Variants in MECOM observed in about 807,000 individuals in gnomAD.
The protein encoded by MECOM is histone-lysine N-methyltransferase MECOM.
In MECOM, 13 loss-of-function variants were observed where a neutral mutation model predicts 116.3. The ratio of observed to expected loss-of-function variants is 0.11; its 90% CI spans 0.07 to 0.18. The LOEUF (loss-of-function observed/expected upper bound fraction) is 0.18. Ranked by LOEUF, MECOM falls within the 10% of genes least tolerant of loss-of-function variation. The probability of loss-of-function intolerance (pLI) is 1.00; values close to 1 mark genes in which losing one functional copy is unlikely to be tolerated. For missense variants in MECOM, 1,299 were observed against 1,509.0 expected, an observed-to-expected ratio of 0.86 and a Z score of 2.31; for synonymous variants, 528 against 535.2, an observed-to-expected ratio of 0.99 and a Z score of 0.19.
intron 3 of MECOM, among the ~76,000 whole-genome samples, chr3:169,142,432 A>G (rs1046025607): frequency 3.3e-5 from 5 of 151,958 alleles, no homozygotes; most frequent in African/African-American, 1.2e-4. Context: ...ACATCTACAG[A>G]TAGTAGGTAC....
At chr3:169,209,834 C>T (rs1446353383) in intron 2 of MECOM, among the ~76,000 whole-genome samples, 1 of 152,066 alleles carries the variant, frequency 6.6e-6, no homozygotes, top group East Asian at 1.9e-4. Flanking sequence ...TAGCATTTGA[C>T]CCAGCAATCC....
Position 169,301,833 on chromosome 3 carries a change from T to G in MECOM, c.375+79354A>C, listed in dbSNP as rs569890084. 2.6e-5 allele frequency among the ~76,000 whole-genome samples: 4 copies of G among 152,260 alleles called. No homozygotes were observed. The South Asian group carries it at 8.3e-4, about 32-fold the overall frequency. On this transcript the variant is annotated intron_variant, in intron 2 of 16. Coordinates refer to ENST00000651503, the MANE Select transcript of MECOM (RefSeq NM_004991.4). ...TCATTTATAGCCTATTCTGTAAAAT[T>G]TATAAACCCCAAATACAGGATCCTT...
chr3:169,112,340 C>T (rs1344896692), intron 9 of MECOM, among the ~76,000 whole-genome samples: 1 of 152,032 alleles, frequency 6.6e-6, no homozygotes, highest in Non-Finnish European at 1.5e-5. Context: ...TAGATAAATT[C>T]CTTCACCCTC....
At chr3:169,086,823 T>C (rs1717909561) in intron 16 of MECOM, among the ~76,000 whole-genome samples, 1 of 152,206 alleles carries the variant, frequency 6.6e-6, no homozygotes, top group African/African-American at 2.4e-5. Context: ...AATTACAGAA[T>C]AAATATATGA....
At chr3:169,499,612 C>T (rs1754283712) in intron 1 of MECOM, among the ~76,000 whole-genome samples, 1 of 111,710 alleles carries the variant, frequency 9.0e-6, no homozygotes, top group African/African-American at 4.6e-5. Flanking sequence ...TTACTTCGAC[C>T]AGGGGGAAAA....
chr3:169,637,241 C>T (rs911273750), intron 1 of MECOM, among the ~76,000 whole-genome samples: 1 of 152,160 alleles, frequency 6.6e-6, no homozygotes, highest in Non-Finnish European at 1.5e-5. Flanking sequence ...TAGTGGTCTT[C>T]TAATGACTGC....
In MECOM at chr3:169,115,809, G is replaced by T. The variant is rs762099223; in HGVS notation, c.2063C>A (p.Ala688Asp). Residue 688 changes from alanine (A) to aspartate (D), a missense_variant, in exon 8 of 17, where the codon GCT (alanine) becomes GAT (aspartate). By Grantham distance (126) the Ala-to-Asp change is moderately radical. This residue lies in a region of MECOM where 340 missense variants were observed against 312.6 expected (regional missense o/e 1.09). Coordinates refer to ENST00000651503, the MANE Select transcript of MECOM (RefSeq NM_004991.4). ...LVGLQDKKVG[A>D]LPYPSMFPLP... ...GGGAAACATGGAAGGGTAAGGTAAA[G>T]CTCCAACTTTTTTGTCTTGCAGCCC... 3.1e-6 allele frequency: 5 copies of T among 1,614,066 alleles called. No individual in the cohort carries two copies. The highest frequency in any genetic ancestry group is 1.3e-5 in the African/African-American group (1 of 75,026).
chr3:169,591,050 T>C (rs996984273), intron 1 of MECOM, among the ~76,000 whole-genome samples: 4 of 152,156 alleles, frequency 2.6e-5, no homozygotes, highest in Non-Finnish European at 5.9e-5. Flanking sequence ...GGGAGTTTTC[T>C]GCTAGCAAGT....
chr3:169,337,063 C>A (rs1723694122), intron 2 of MECOM, among the ~76,000 whole-genome samples: 1 of 152,066 alleles, frequency 6.6e-6, no homozygotes, highest in South Asian at 2.1e-4. Context: ...ATTCTGTCTT[C>A]ATGTATGATT....
chr3:169,432,075 C>A (rs577540631), intron 1 of MECOM, among the ~76,000 whole-genome samples: 3 of 151,568 alleles, frequency 2.0e-5, no homozygotes, highest in African/African-American at 7.3e-5. Context: ...GACAACAGTT[C>A]GAGACCTAGT....
chr3:169,411,716 C>T (rs1400226003), intron 1 of MECOM, among the ~76,000 whole-genome samples: 2 of 152,220 alleles, frequency 1.3e-5, no homozygotes, highest in Non-Finnish European at 2.9e-5. Flanking sequence ...TCTGACTGGG[C>T]GCAGTGGCTC....
At chr3:169,140,005 C>T (rs1436878676) in intron 3 of MECOM, among the ~76,000 whole-genome samples, 1 of 151,152 alleles carries the variant, frequency 6.6e-6, no homozygotes, top group African/African-American at 2.4e-5. Flanking sequence ...TGGTTTACTT[C>T]ACATTAAACA....
chr3:169,285,504 T>C (rs1218937053), intron 2 of MECOM, among the ~76,000 whole-genome samples: 4 of 152,198 alleles, frequency 2.6e-5, no homozygotes. Context: ...TGAATTTGCA[T>C]GCAATAGCAA....
At chr3:169,369,066 C>A (rs539324796) in intron 2 of MECOM, among the ~76,000 whole-genome samples, 2 of 152,118 alleles carry the variant, frequency 1.3e-5, no homozygotes, top group East Asian at 3.9e-4. Context: ...TAAATTTGGA[C>A]ATCAGACTTT....
chr3:169,642,340 A>G (rs563164023), intron 1 of MECOM, among the ~76,000 whole-genome samples: 1 of 151,836 alleles, frequency 6.6e-6, no homozygotes, highest in Non-Finnish European at 1.5e-5. Flanking sequence ...TAGAAATGGG[A>G]TTTTAAAATA....
intron 2 of MECOM, among the ~76,000 whole-genome samples, chr3:169,355,558 C>T (rs183517227): frequency 6.6e-6 from 1 of 152,080 alleles, no homozygotes; most frequent in East Asian, 1.9e-4. Context: ...TAAAAATAAA[C>T]TGCCATGTTA....
intron 1 of MECOM, among the ~76,000 whole-genome samples, chr3:169,595,523 A>AT (rs1406337702): frequency 6.6e-6 from 1 of 152,162 alleles, no homozygotes; most frequent in Non-Finnish European, 1.5e-5. Flanking sequence ...TTAATGCAAG[A>AT]TTTTTTTATC....
intron 2 of MECOM, among the ~76,000 whole-genome samples, chr3:169,154,816 A>G (rs1225521675): frequency 6.6e-6 from 1 of 152,162 alleles, no homozygotes; most frequent in Non-Finnish European, 1.5e-5. Context: ...TGCTCAGCCT[A>G]TAATTTATTT....
chr3:169,095,020 C>A (rs150253361), intron 13 of MECOM, 56 bp downstream of exon 13: 18,436 of 1,402,754 alleles, frequency 0.013, 150 homozygotes, highest in Non-Finnish European at 0.016. Context: ...ATCTTATTAT[C>A]TTTTAAAACA....
Sources: allele counts gnomAD v4.1 joint callset (sites outside exome capture counted in the v4.1 genomes callset), GRCh38; gene constraint gnomAD v4.1.1; regional missense constraint gnomAD v4.1.1; transcripts MANE v1.5; gene names NCBI Gene and HGNC (gene_info 2026-07-23, HGNC 2026-07-21).